Variants in GRIK2 observed in about 807,000 individuals in gnomAD.
GRIK2 encodes the protein glutamate receptor ionotropic, kainate 2.
A neutral mutation model predicts 100.3 loss-of-function variants in GRIK2; 32 were observed. That is an observed-to-expected ratio of 0.32 (90% CI 0.24 to 0.43). The LOEUF is 0.43. GRIK2 is among the 20% of genes least tolerant of loss of function. The pLI, the probability that GRIK2 is intolerant of heterozygous loss-of-function variation, is 1.00. For missense variants in GRIK2, 843 were observed against 1,114.9 expected, an observed-to-expected ratio of 0.76 and a Z score of 3.47; for synonymous variants, 417 against 389.4, an observed-to-expected ratio of 1.07 and a Z score of -0.83.
At chr6:101,753,055 G>A (rs753948457) in intron 7 of GRIK2, among the ~76,000 whole-genome samples, 3 of 152,110 alleles carry the variant, frequency 2.0e-5, no homozygotes, top group Non-Finnish European at 2.9e-5. Flanking sequence ...AGCACTTTGG[G>A]AGGCCGAGGC....
intron 7 of GRIK2, among the ~76,000 whole-genome samples, chr6:101,697,656 A>G (rs1314633903): frequency 1.3e-5 from 2 of 152,042 alleles, no homozygotes; most frequent in African/African-American, 4.8e-5. Context: ...TCATGCCTGT[A>G]GTAGAAGACT....
At chr6:101,690,904 T>C (rs1772046425) in intron 7 of GRIK2, among the ~76,000 whole-genome samples, 1 of 152,222 alleles carries the variant, frequency 6.6e-6, no homozygotes, top group Non-Finnish European at 1.5e-5. Flanking sequence ...ATATTTTATA[T>C]GTGTGGTCCT....
At chr6:101,995,865 C>T (rs1156270593) in intron 14 of GRIK2, among the ~76,000 whole-genome samples, 4 of 151,954 alleles carry the variant, frequency 2.6e-5, no homozygotes, top group Admixed American at 2.0e-4. Context: ...GTTTAAACAA[C>T]ATACTAACAT....
intron 2 of GRIK2, among the ~76,000 whole-genome samples, chr6:101,406,484 A>G (rs1775599587): frequency 6.6e-6 from 1 of 152,152 alleles, no homozygotes; most frequent in African/African-American, 2.4e-5. Flanking sequence ...ATATACTTCT[A>G]TCAGTCTTTC....
chr6:101,718,237 A>G (rs1323013438), intron 7 of GRIK2, among the ~76,000 whole-genome samples: 1 of 151,838 alleles, frequency 6.6e-6, no homozygotes, highest in Admixed American at 6.6e-5. Flanking sequence ...GAGAAATCAT[A>G]TTGGCTGTTT....
At chr6:101,803,091 T>C (rs1780772941) in intron 9 of GRIK2, among the ~76,000 whole-genome samples, 1 of 151,872 alleles carries the variant, frequency 6.6e-6, no homozygotes, top group Non-Finnish European at 1.5e-5. Flanking sequence ...TGACAAGAGA[T>C]ATTAAATCTT....
chr6:102,041,067 T>C (rs1770541336), intron 15 of GRIK2, among the ~76,000 whole-genome samples: 1 of 151,592 alleles, frequency 6.6e-6, no homozygotes, highest in African/African-American at 2.4e-5. Context: ...TTGTTAAGTC[T>C]AGATTATATG....
intron 5 of GRIK2, 103 bp downstream of exon 5, chr6:101,676,907 T>C (rs371692722): frequency 2.3e-5 from 15 of 643,350 alleles, no homozygotes; most frequent in East Asian, 6.2e-5. Flanking sequence ...TCAGTTATAA[T>C]AACCTTGATG....
intron 2 of GRIK2, among the ~76,000 whole-genome samples, chr6:101,487,845 G>T (rs937826978): frequency 6.8e-6 from 1 of 146,062 alleles, no homozygotes; most frequent in Non-Finnish European, 1.5e-5. Context: ...AGCAGACTTA[G>T]AATATATATT....
chr6:101,943,285 C>T (rs1383938156), intron 14 of GRIK2, among the ~76,000 whole-genome samples: 1 of 152,180 alleles, frequency 6.6e-6, no homozygotes, highest in African/African-American at 2.4e-5. Flanking sequence ...CCTGGCTGTC[C>T]AGGCAGAAAT....
At chr6:101,492,009 G>A (rs771538723) in intron 2 of GRIK2, among the ~76,000 whole-genome samples, 5 of 151,702 alleles carry the variant, frequency 3.3e-5, no homozygotes, top group Non-Finnish European at 7.4e-5. Flanking sequence ...CTCATCGAGA[G>A]GTACAAGAAG....
chr6:102,049,922 G>A (rs1477851499), intron 15 of GRIK2, among the ~76,000 whole-genome samples: 1 of 152,030 alleles, frequency 6.6e-6, no homozygotes, highest in Non-Finnish European at 1.5e-5. Flanking sequence ...TTTAAATATA[G>A]GATAATGTGA....
At chr6:102,024,122 TAA>T (rs1190511904) in intron 14 of GRIK2, among the ~76,000 whole-genome samples, 2 of 150,748 alleles carry the variant, frequency 1.3e-5, no homozygotes, top group East Asian at 4.0e-4. Flanking sequence ...GCTGAAGCAC[TAA>T]AAAAAGTGTT....
chr6:101,842,465 A>G (rs1783570983), intron 10 of GRIK2, among the ~76,000 whole-genome samples: 1 of 152,102 alleles, frequency 6.6e-6, no homozygotes, highest in Non-Finnish European at 1.5e-5. Context: ...TGTTATCTTT[A>G]TGCATTTAAA....
intron 2 of GRIK2, among the ~76,000 whole-genome samples, chr6:101,529,637 A>C (rs1488471087): frequency 6.6e-6 from 1 of 152,140 alleles, no homozygotes; most frequent in Non-Finnish European, 1.5e-5. Context: ...TGTGCGAGGC[A>C]TCGATCCAAC....
At chr6:101,464,300 G>C (rs1771496832) in intron 2 of GRIK2, among the ~76,000 whole-genome samples, 1 of 152,084 alleles carries the variant, frequency 6.6e-6, no homozygotes, top group African/African-American at 2.4e-5. Flanking sequence ...CATTCAGTTA[G>C]TGATGTACAG....
intron 2 of GRIK2, among the ~76,000 whole-genome samples, chr6:101,479,156 C>G (rs1462518975): frequency 6.6e-6 from 1 of 152,152 alleles, no homozygotes; most frequent in East Asian, 1.9e-4. Flanking sequence ...CTAGACATGT[C>G]CAAGCTCTCA....
At chr6:101,588,201 T>C (rs1778467606) in intron 2 of GRIK2, among the ~76,000 whole-genome samples, 1 of 150,930 alleles carries the variant, frequency 6.6e-6, no homozygotes, top group Non-Finnish European at 1.5e-5. Context: ...GCTAATAGAG[T>C]GGAGGAATTA....
At chr6:101,798,042 C>CT (rs1246612198) in intron 7 of GRIK2, among the ~76,000 whole-genome samples, 3,713 of 133,232 alleles carry the variant, frequency 0.028, 157 homozygotes, top group African/African-American at 0.092. Flanking sequence ...GATTTCCACT[C>CT]TTTTTTTTTT....
Sources: allele counts gnomAD v4.1 joint callset (sites outside exome capture counted in the v4.1 genomes callset), GRCh38; gene constraint gnomAD v4.1.1; transcripts MANE v1.5; gene names NCBI Gene and HGNC (gene_info 2026-07-23, HGNC 2026-07-21).